Variants in BLCAP observed in about 807,000 individuals in gnomAD.
BLCAP encodes BLCAP apoptosis inducing factor.
In BLCAP, 1 loss-of-function variant was observed where a neutral mutation model predicts 5.7. The ratio of observed to expected loss-of-function variants is 0.18; its 90% CI spans 0.06 to 0.83. BLCAP has a LOEUF of 0.83. Among genes scored for constraint, BLCAP ranks in the 40% least tolerant of loss-of-function variants. The pLI, the probability that BLCAP is intolerant of heterozygous loss-of-function variation, is 0.71. For missense variants in BLCAP, 66 were observed against 107.6 expected (o/e 0.61, Z 1.71); for synonymous variants, 48 against 49.4 (o/e 0.97, Z 0.11).
At chr20:37,522,938 AAGATACC>A in intron 1 of BLCAP, 1 of 585,174 alleles carries the variant, frequency 1.7e-6, no homozygotes, top group Non-Finnish European at 3.0e-6. Context: ...GACAATGACG[AAGATACC>A]AGATCCCTTC....
At chr20:37,520,961 A>G (rs2071547017) in intron 1 of BLCAP, among the ~76,000 whole-genome samples, 1 of 152,104 alleles carries the variant, frequency 6.6e-6, no homozygotes, top group Non-Finnish European at 1.5e-5. Flanking sequence ...AGGGCGCCAC[A>G]CTAAGAGACC....
chr20:37,524,027 G>A (rs952493874), intron 1 of BLCAP, among the ~76,000 whole-genome samples: 2 of 152,124 alleles, frequency 1.3e-5, no homozygotes, highest in African/African-American at 4.8e-5. Flanking sequence ...TGAGAGGAGG[G>A]GAAAAAGGTG....
rs1418213563 is a variant in BLCAP at position 37,521,670 on chromosome 20, G to C, written c.-176-2320C>G. On this transcript the variant is annotated intron_variant, in intron 1 of 1. Transcript: ENST00000373537. The surrounding 1 kb of genome is among the most constrained non-coding windows in gnomAD (Gnocchi z 4.5). Reference sequence around the variant, plus strand: ...GCGACCGCTGCGGACGATCACCCAGGCATTTAGCGACCTACGCGGTAAGAA... The same window carrying C: ...GCGACCGCTGCGGACGATCACCCAGCCATTTAGCGACCTACGCGGTAAGAA... The C allele has an allele frequency of 2.1e-6, 1 of 476,502 alleles. No individual in the cohort carries two copies. Among genetic ancestry groups the C allele is most frequent in the Non-Finnish European group, 3.8e-6 (1 of 263,606 alleles). The allele number at this position is 476,502 out of a possible 1,614,324, so 29.5% of individuals were successfully genotyped here. A position where few individuals can be genotyped will look rare whatever the true frequency, so the allele number is the denominator to read the frequency against.
intron 1 of BLCAP, chr20:37,526,606 G>A (rs2147197090): frequency 6.6e-6 from 1 of 152,098 alleles, no homozygotes; most frequent in East Asian, 1.9e-4. Context: ...TTCAAAGATA[G>A]GAGAACAACA....
At chr20:37,525,546 G>A (rs1029786041) in intron 1 of BLCAP, among the ~76,000 whole-genome samples, 7 of 152,196 alleles carry the variant, frequency 4.6e-5, no homozygotes, top group African/African-American at 1.4e-4. Context: ...GCACCTGCAC[G>A]TGTGGGCTTC....
intron 1 of BLCAP, chr20:37,520,421 G>A (rs2071527018): frequency 6.6e-6 from 1 of 152,306 alleles, no homozygotes; most frequent in Non-Finnish European, 1.5e-5. Context: ...GAACCCCACT[G>A]GCTAAGGCCG....
intron 1 of BLCAP, chr20:37,523,646 G>C (rs1282909985): frequency 1.3e-5 from 2 of 152,648 alleles, no homozygotes; most frequent in African/African-American, 4.8e-5. Context: ...CCCCTGTCTC[G>C]CACAGTGTCC....
At position 37,521,101 on chromosome 20, in the gene BLCAP, G is replaced by T; in HGVS notation, c.-176-1751C>A. ...AGATGGAACTCAGGAGGCGGGGGTC[G>T]GTATGGAAAGAGCAGATGGATTATT... On this transcript the variant is annotated intron_variant, in intron 1 of 1. Coordinates refer to ENST00000373537, the MANE Select transcript of BLCAP (RefSeq NM_006698.4). The surrounding 1 kb of genome is among the most constrained non-coding windows in gnomAD (Gnocchi z 4.5). 1.8e-6 allele frequency: 1 copy of T among 568,252 alleles called. No individual in the cohort carries two copies. Among genetic ancestry groups the T allele is most frequent in the Non-Finnish European group, 3.2e-6 (1 of 315,984 alleles). 35.2% of individuals were successfully genotyped at this position (568,252 alleles called of 1,614,324 possible).
intron 1 of BLCAP, among the ~76,000 whole-genome samples, chr20:37,524,198 T>C (rs147708203): frequency 6.5e-4 from 99 of 152,110 alleles, no homozygotes; most frequent in African/African-American, 2.3e-3. Flanking sequence ...GCGTGGCGCC[T>C]TCTTCACCCA....
At chr20:37,526,562 G>C (rs371716246) in intron 1 of BLCAP, 3 of 152,108 alleles carry the variant, frequency 2.0e-5, no homozygotes, top group Admixed American at 1.3e-4. Flanking sequence ...TTGGTATATC[G>C]CACAGGGACA....
chr20:37,525,207 A>G (rs2071698131), intron 1 of BLCAP, among the ~76,000 whole-genome samples: 2 of 152,162 alleles, frequency 1.3e-5, no homozygotes, highest in Admixed American at 6.5e-5. Flanking sequence ...GAACATACCA[A>G]CATGTGTTCT....
chr20:37,521,306 A>C lies in BLCAP; in HGVS notation c.-176-1956T>G. 18 of 1,612,670 alleles carry C rather than the reference A, an allele frequency of 1.1e-5. No individual in the cohort carries two copies. Among genetic ancestry groups the C allele is most frequent in the Non-Finnish European group, 1.5e-5 (18 of 1,178,864 alleles). Reference sequence around the variant, plus strand: ...GGATCTCGGCAAACCCTCTTTCTCGACCACCCACCTACCATTCTTGGAACC... The same window carrying C: ...GGATCTCGGCAAACCCTCTTTCTCGCCCACCCACCTACCATTCTTGGAACC... On this transcript the variant is annotated intron_variant, in intron 1 of 1. Transcript: ENST00000373537. The surrounding 1 kb of genome is among the most constrained non-coding windows in gnomAD (Gnocchi z 4.5).
chr20:37,522,501 G>C lies in BLCAP; in HGVS notation c.-176-3151C>G. 3.3e-6 allele frequency: 5 copies of C among 1,529,302 alleles called. 1 individual carries two copies. The South Asian group carries it at 5.6e-5, about 17-fold the overall frequency. The allele number at this position is 1,529,302 out of a possible 1,614,324, so 94.7% of individuals were successfully genotyped here. A position where few individuals can be genotyped will look rare whatever the true frequency, so the allele number is the denominator to read the frequency against. On this transcript the variant is annotated intron_variant, in intron 1 of 1. Coordinates refer to ENST00000373537, the MANE Select transcript of BLCAP (RefSeq NM_006698.4). ...TGCAGCTCTCAGCACAGTTGGAAAA[G>C]CTCCAGCTGCCCTGACTCGTGGACA...
rs750251123 is a variant in BLCAP at position 37,521,827 on chromosome 20, A to G, written c.-176-2477T>C. ...ATTGCGGAGAAATTTTATTTAAAAA[A>G]ACATATAGCGCTTGCGGGGGTGGAA... On this transcript the variant is annotated intron_variant, in intron 1 of 1. Coordinates refer to ENST00000373537, the MANE Select transcript of BLCAP (RefSeq NM_006698.4). This position sits in a 1 kb window ranked among gnomAD's most constrained non-coding sequence, Gnocchi z 4.5. 1.8e-5 allele frequency: 3 copies of G among 163,398 alleles called. No individual in the cohort carries two copies. Among genetic ancestry groups the G allele is most frequent in the Non-Finnish European group, 4.0e-5 (3 of 75,760 alleles). The allele number at this position is 163,398 out of a possible 1,614,324, so 10.1% of individuals were successfully genotyped here.
chr20:37,525,305 T>C, intron 1 of BLCAP, among the ~76,000 whole-genome samples: 1 of 152,156 alleles, frequency 6.6e-6, no homozygotes, highest in East Asian at 1.9e-4. Context: ...TCAGCCCAAG[T>C]GACAAGGTAG....
chr20:37,522,319 A>G, intron 1 of BLCAP: 1 of 1,565,414 alleles, frequency 6.4e-7, no homozygotes. Context: ...TCCCTGCTAA[A>G]GGAATCCTTT....
chr20:37,521,295 C>A lies in BLCAP; in HGVS notation c.-176-1945G>T, dbSNP rs377378589. On this transcript the variant is annotated intron_variant, in intron 1 of 1. Coordinates refer to ENST00000373537, the MANE Select transcript of BLCAP (RefSeq NM_006698.4). The surrounding 1 kb of genome is among the most constrained non-coding windows in gnomAD (Gnocchi z 4.5). ...CCGAGACCAGCGGATCTCGGCAAACCCTCTTTCTCGACCACCCACCTACCA... is the reference window on the plus strand; with the variant it reads ...CCGAGACCAGCGGATCTCGGCAAACACTCTTTCTCGACCACCCACCTACCA... 6.2e-7 allele frequency: 1 copy of A among 1,609,224 alleles called. No homozygotes were observed. Among genetic ancestry groups the A allele is most frequent in the Non-Finnish European group, 8.5e-7 (1 of 1,175,660 alleles).
intron 1 of BLCAP, chr20:37,523,187 A>G (rs1256706981): frequency 6.1e-6 from 1 of 163,412 alleles, no homozygotes; most frequent in Non-Finnish European, 1.3e-5. Context: ...CGACGCCCTG[A>G]ATCTTGGTGC....
In BLCAP at chr20:37,518,894, G is replaced by A. The variant is rs2071463079; in HGVS notation, c.*17C>T. 2 of 1,612,466 alleles carry A rather than the reference G, an allele frequency of 1.2e-6. No individual in the cohort carries two copies. The highest frequency in any genetic ancestry group is 2.2e-5 in the South Asian group (2 of 91,006). On this transcript the variant is annotated 3_prime_UTR_variant, in exon 2 of 2. Coordinates refer to ENST00000373537, the MANE Select transcript of BLCAP (RefSeq NM_006698.4). ...CTCCCGTCTTCTGCTTCCTTGGAAA[G>A]CTAACAGGGCAGGCCGTTAGGTGCC...
Sources: allele counts gnomAD v4.1 joint callset (sites outside exome capture counted in the v4.1 genomes callset), GRCh38; gene constraint gnomAD v4.1.1; non-coding constraint Gnocchi (gnomAD v3.1); transcripts MANE v1.5; gene names NCBI Gene and HGNC (gene_info 2026-07-23, HGNC 2026-07-21).